PADI6: variants seen among roughly 807,000 people sequenced by gnomAD.
PADI6 encodes the protein inactive protein-arginine deiminase type-6.
In PADI6, 66 loss-of-function variants were observed where a neutral mutation model predicts 78.2. The observed-to-expected ratio is 0.84, with a 90% confidence interval of 0.69 to 1.04. PADI6 has a LOEUF of 1.04. PADI6 is among the 50% of genes least tolerant of loss of function. The probability of loss-of-function intolerance (pLI) is 0.00; values close to 1 mark genes in which losing one functional copy is unlikely to be tolerated. For missense variants in PADI6, 854 were observed against 866.1 expected, an observed-to-expected ratio of 0.99 and a Z score of 0.18; for synonymous variants, 397 against 346.9, an observed-to-expected ratio of 1.14 and a Z score of -1.60.
chr1:17,380,232 T>C (rs1194569157), intron 4 of PADI6, among the ~76,000 whole-genome samples: 3 of 152,190 alleles, frequency 2.0e-5, no homozygotes, highest in Non-Finnish European at 4.4e-5. Context: ...TTGTTTTTGA[T>C]GGAGTTTCCC....
chr1:17,401,283 G>A lies in PADI6; in HGVS notation c.1930G>A (p.Glu644Lys). The change falls in exon 16 of 16, where the codon GAA becomes AAA. Residue 644 changes from glutamate (E) to lysine (K), a missense_variant. By Grantham distance (56) the Glu-to-Lys change is moderately conservative. Transcript: ENST00000619609. ...GPQIKGTCCL[E>K]EKICCLLEPL... ...CCAAATCAAGGGGACCTGCTGCCTG[G>A]AAGAAAAGATTTGCTGCTTGCTGGA... is the stretch of plus-strand genomic sequence containing the variant. The A allele has an allele frequency of 6.2e-7, 1 of 1,614,072 alleles. No homozygotes were observed. Among genetic ancestry groups the A allele is most frequent in the Non-Finnish European group, 8.5e-7 (1 of 1,179,910 alleles).
At chr1:17,375,201 C>T (rs2100285600) in intron 2 of PADI6, among the ~76,000 whole-genome samples, 1 of 152,300 alleles carries the variant, frequency 6.6e-6, no homozygotes, top group African/African-American at 2.4e-5. Context: ...TCAAGCCTGG[C>T]TCTCGACAAG....
intron 6 of PADI6, among the ~76,000 whole-genome samples, chr1:17,386,160 C>T (rs899647033): frequency 2.0e-5 from 3 of 152,072 alleles, no homozygotes; most frequent in South Asian, 2.1e-4. Context: ...GTACTTGGGT[C>T]GCAGGGCTTC....
chr1:17,378,525 G>A (rs916827770), intron 3 of PADI6, among the ~76,000 whole-genome samples: 1 of 152,232 alleles, frequency 6.6e-6, no homozygotes, highest in African/African-American at 2.4e-5. Flanking sequence ...TGGAAGGGAT[G>A]GGAGGTGGTA....
intron 13 of PADI6, among the ~76,000 whole-genome samples, chr1:17,396,103 G>A (rs2075244891): frequency 6.6e-6 from 1 of 152,016 alleles, no homozygotes; most frequent in African/African-American, 2.4e-5. Flanking sequence ...CTGTGGGAGT[G>A]GGCTGGGCAT....
chr1:17,377,453 G>C (rs2075030245), intron 3 of PADI6, among the ~76,000 whole-genome samples: 1 of 152,190 alleles, frequency 6.6e-6, no homozygotes, highest in African/African-American at 2.4e-5. Flanking sequence ...CAGGTCACGT[G>C]ACTCTAATGT....
At chr1:17,375,550 G>A in intron 3 of PADI6, 51 bp downstream of exon 3, 1 of 1,507,822 alleles carries the variant, frequency 6.6e-7, no homozygotes, top group East Asian at 2.4e-5. Context: ...CGCTGGGGTT[G>A]GGGAAGGGGT....
chr1:17,375,559 G>A (rs2075007130), intron 3 of PADI6, 60 bp downstream of exon 3: 2 of 1,475,760 alleles, frequency 1.4e-6, no homozygotes, highest in African/African-American at 1.4e-5. Context: ...TGGGGAAGGG[G>A]TGGGATTGTA....
chr1:17,390,887 A>T (rs1416610554), intron 8 of PADI6, among the ~76,000 whole-genome samples: 3 of 152,222 alleles, frequency 2.0e-5, no homozygotes, highest in Admixed American at 1.3e-4. Context: ...ACAGTGTGAT[A>T]TTCAGGCATG....
rs183565903 is a variant in PADI6, at chr1:17,401,351, T to C, written c.1998T>C (p.Cys666=). Reference sequence around the variant, plus strand: ...GCACCTTCATCAATGACTTTGACTGTTACCTGACAGAGGTCGGAGACATCT... The same window carrying C: ...GCACCTTCATCAATGACTTTGACTGCTACCTGACAGAGGTCGGAGACATCT... ...FKCTFINDFD[C]YLTEVGDICA... The change falls in exon 16 of 16, where the codon TGT becomes TGC. Residue 666 remains cysteine (C), a synonymous_variant. Coordinates refer to ENST00000619609, the MANE Select transcript of PADI6 (RefSeq NM_207421.4). 182 of 1,614,056 alleles carry C rather than the reference T, an allele frequency of 1.1e-4. No homozygotes were observed. In the African/African-American group the frequency reaches 2.3e-3, roughly 20 times the overall value.
chr1:17,381,070 C>T lies in PADI6; in HGVS notation c.459C>T (p.Ser153=), dbSNP rs534938314. 45 of 1,605,116 alleles carry T rather than the reference C, an allele frequency of 2.8e-5. No individual in the cohort carries two copies. The highest frequency in any genetic ancestry group is 5.3e-5 in the African/African-American group (4 of 74,796). The change falls in exon 5 of 16, where the codon AGC becomes AGT. Residue 153 remains serine, a synonymous_variant. Coordinates refer to ENST00000619609, the MANE Select transcript of PADI6 (RefSeq NM_207421.4). ...QAKKKWIWGP[S]GWGAILLVNC... ...AGAAAAAATGGATCTGGGGTCCCAG[C>T]GGTTGGGGTGCCATCCTGCTTGTGA... is the stretch of plus-strand genomic sequence containing the variant.
In PADI6 at chr1:17,388,453, A is replaced by G. The variant is rs2100308408; in HGVS notation, c.752A>G (p.Asn251Ser). The change falls in exon 7 of 16, where the codon AAC (asparagine) becomes AGC (serine). Residue 251 changes from asparagine (N) to serine (S), a missense_variant. Physicochemically the swap from Asn to Ser is conservative, Grantham distance 46. Coordinates refer to ENST00000619609, the MANE Select transcript of PADI6 (RefSeq NM_207421.4). ...GCCTATACCTTGGCCCTCCTCGGGA[A>G]CCACTTGAAGGAGACTTTCTACGTT... ...QHAYTLALLG[N>S]HLKETFYVEA... The G allele has an allele frequency of 6.2e-7, 1 of 1,613,816 alleles. No individual in the cohort carries two copies. The highest frequency in any genetic ancestry group is 8.5e-7 in the Non-Finnish European group (1 of 1,179,800).
intron 4 of PADI6, among the ~76,000 whole-genome samples, 178 bp from the exon 5 acceptor site, chr1:17,380,869 C>T (rs1277917429): frequency 3.3e-5 from 5 of 152,132 alleles, no homozygotes; most frequent in Admixed American, 6.5e-5. Context: ...TTCCTCTTAG[C>T]CTCCTTACCT....
At chr1:17,395,487 G>T in intron 12 of PADI6, 53 bp from the exon 13 acceptor site, 1 of 1,537,286 alleles carries the variant, frequency 6.5e-7, no homozygotes. Flanking sequence ...ACAGATATGA[G>T]CCACCATGTC....
At position 17,388,847 on chromosome 1, in the gene PADI6, G is replaced by A. The variant is rs1258932639; in HGVS notation, c.929G>A (p.Cys310Tyr). 1 of 1,613,748 alleles carries A rather than the reference G, an allele frequency of 6.2e-7. No individual in the cohort carries two copies. The highest frequency in any genetic ancestry group is 1.1e-5 in the South Asian group (1 of 90,980). ...GTGGCTCCCTGTGTCTTCATTCCCT[G>A]TACCCAGGTGCCTCTGGAGGTTTAC... ...FRVAPCVFIP[C>Y]TQVPLEVYLC... The change falls in exon 8 of 16, where the codon TGT (cysteine) becomes TAT (tyrosine). Residue 310 changes from cysteine to tyrosine, a missense_variant. Transcript: ENST00000619609.
At chr1:17,387,569 G>A (rs1022567956) in intron 6 of PADI6, among the ~76,000 whole-genome samples, 4 of 152,026 alleles carry the variant, frequency 2.6e-5, no homozygotes, top group Non-Finnish European at 4.4e-5. Context: ...CTAACGAGAC[G>A]GTGAAATCCC....
rs770395212 is a variant in PADI6 at position 17,372,402 on chromosome 1, G to A, written c.116+41G>A. ...CTCTGCCAGAGGTGGCAGGCAGACA[G>A]GCAGGCAGGCCTGGGACCCAGTCCC... is the stretch of plus-strand genomic sequence containing the variant. On this transcript the variant is annotated intron_variant, in intron 1 of 15. Transcript: ENST00000619609. 112 of 1,576,782 alleles carry A rather than the reference G, an allele frequency of 7.1e-5. No homozygotes were observed. In the East Asian group the frequency reaches 2.5e-3, roughly 35 times the overall value.
In PADI6 at chr1:17,394,099, G is replaced by A; in HGVS notation, c.1182+17G>A. The A allele has an allele frequency of 6.2e-7, 1 of 1,608,700 alleles. No homozygotes were observed. The highest frequency in any genetic ancestry group is 2.2e-5 in the East Asian group (1 of 44,830). On this transcript the variant is annotated intron_variant, in intron 10 of 15. Transcript: ENST00000619609. ...TACTCACTGGTGTGGAACTTGGTTT[G>A]GCTAATCTGAGCTCAGTCCAATCTC...
At chr1:17,390,496 C>T (rs1040758469) in intron 8 of PADI6, among the ~76,000 whole-genome samples, 5 of 148,730 alleles carry the variant, frequency 3.4e-5, no homozygotes, top group African/African-American at 9.9e-5. Flanking sequence ...CCCAGCTACT[C>T]GGGAGGCTGA....
Sources: allele counts gnomAD v4.1 joint callset (sites outside exome capture counted in the v4.1 genomes callset), GRCh38; gene constraint gnomAD v4.1.1; transcripts MANE v1.5; gene names NCBI Gene and HGNC (gene_info 2026-07-23, HGNC 2026-07-21).